The following ESR1 variants were observed in gnomAD, a reference collection of about 807,000 sequenced individuals.
ESR1 encodes the protein estrogen receptor.
In ESR1, 12 loss-of-function variants were observed where a neutral mutation model predicts 52.7. That is an observed-to-expected ratio of 0.23 (90% CI 0.15 to 0.37). The LOEUF (loss-of-function observed/expected upper bound fraction) is 0.37. Among genes scored for constraint, ESR1 ranks in the 10% least tolerant of loss-of-function variants. ESR1 has a pLI of 1.00. For missense variants in ESR1, 584 were observed against 779.7 expected (o/e 0.75, Z 2.99); for synonymous variants, 305 against 316.8 (o/e 0.96, Z 0.39).
At chr6:151,671,555 T>G (rs1778059763) in intron 1 of ESR1, among the ~76,000 whole-genome samples, 1 of 152,068 alleles carries the variant, frequency 6.6e-6, no homozygotes, top group Non-Finnish European at 1.5e-5. Context: ...AGGGGAGATA[T>G]TGGTCAAAGG....
chr6:151,782,514 A>T (rs527561994), intron 2 of ESR1, among the ~76,000 whole-genome samples: 16 of 152,296 alleles, frequency 1.1e-4, no homozygotes, highest in African/African-American at 3.4e-4. Flanking sequence ...TCTGTTTGTT[A>T]TCTTAGTATG....
rs17847059 is a variant in ESR1, at chr6:152,102,849, G to A, written c.*3883G>A. 1.8e-4 allele frequency: 41 copies of A among 226,470 alleles called. No individual in the cohort carries two copies. In the East Asian group the frequency reaches 2.5e-3, roughly 14 times the overall value. The allele number at this position is 226,470 out of a possible 1,614,324, so 14.0% of individuals were successfully genotyped here. A position where few individuals can be genotyped will look rare whatever the true frequency, so the allele number is the denominator to read the frequency against. On this transcript the variant is annotated 3_prime_UTR_variant, in exon 8 of 8. Coordinates refer to ENST00000206249, the MANE Select transcript of ESR1 (RefSeq NM_000125.4). ...TTCCAAACCCATCGTCAGTGTGTGT[G>A]TTTAGAGCTGTGCACCCTAGAAACA...
In ESR1 at chr6:151,840,678, G is replaced by A. The variant is rs564050829; in HGVS notation, c.453-1919G>A. On this transcript the variant is annotated intron_variant, in intron 1 of 7. Coordinates refer to ENST00000206249, the MANE Select transcript of ESR1 (RefSeq NM_000125.4). The stretch of plus-strand genomic sequence containing the variant: ...AAGTCAGTGTGGTTCGGGTATTTGG[G>A]TGGGGACTGGAAGCAGGAAGCTTGA... Among the ~76,000 whole-genome samples the A allele has an allele frequency of 2.2e-4, 33 of 152,302 alleles. No individual in the cohort carries two copies. In the South Asian group the frequency reaches 6.6e-3, roughly 31 times the overall value.
At chr6:151,661,139 C>A (rs1314723565) in intron 1 of ESR1, among the ~76,000 whole-genome samples, 1 of 152,064 alleles carries the variant, frequency 6.6e-6, no homozygotes, top group Admixed American at 6.5e-5. Context: ...TAATGTAATG[C>A]AATTATTTAG....
chr6:151,847,529 A>G (rs1030967781), intron 2 of ESR1, among the ~76,000 whole-genome samples: 6 of 144,356 alleles, frequency 4.2e-5, no homozygotes, highest in Non-Finnish European at 9.0e-5. Context: ...TTGGCTGCAT[A>G]AATGTCTTCT....
chr6:151,880,472 T>C (rs565288778), intron 2 of ESR1, among the ~76,000 whole-genome samples, 183 bp from the exon 3 acceptor site: 2 of 152,196 alleles, frequency 1.3e-5, no homozygotes, highest in Non-Finnish European at 2.9e-5. Flanking sequence ...TGAGCCACCG[T>C]GCCCGGCCCA....
In ESR1 at chr6:152,098,585, C is replaced by T; in HGVS notation, c.1554-147C>T. 1 of 726,274 alleles carries T rather than the reference C, an allele frequency of 1.4e-6. No homozygotes were observed. Among genetic ancestry groups the T allele is most frequent in the African/African-American group, 1.7e-5 (1 of 57,488 alleles). 45.0% of individuals were successfully genotyped at this position (726,274 alleles called of 1,614,324 possible). A position where few individuals can be genotyped will look rare whatever the true frequency, so the allele number is the denominator to read the frequency against. On this transcript the variant is annotated intron_variant, in intron 7 of 7. Transcript: ENST00000206249. This position sits in a 1 kb window ranked among gnomAD's most constrained non-coding sequence, Gnocchi z 5.1. ...TGAAAGCCCTCAGCTTTCCCAGCTC[C>T]CATCCTAAAGTGGGTCTTTAAACAG...
intron 1 of ESR1, among the ~76,000 whole-genome samples, chr6:151,668,081 A>T (rs1318602349): frequency 6.6e-6 from 1 of 152,158 alleles, no homozygotes; most frequent in Admixed American, 6.5e-5. Context: ...GCTGCTATAA[A>T]AAATACCTGA....
chr6:151,883,424 G>A (rs928045754), intron 3 of ESR1, among the ~76,000 whole-genome samples: 46 of 151,788 alleles, frequency 3.0e-4, no homozygotes, highest in African/African-American at 1.1e-3. Context: ...CACCATGCCC[G>A]GCCTGTGAGG....
In ESR1 at chr6:152,094,241, T is replaced by C. The variant is rs2050433760; in HGVS notation, c.1370-144T>C. ...GGAATTTTACACTGTAACCCGGTTT[T>C]AAATGGGTCCAGAGCATCCCCATTG... On this transcript the variant is annotated intron_variant, in intron 6 of 7. Coordinates refer to ENST00000206249, the MANE Select transcript of ESR1 (RefSeq NM_000125.4). This position sits in a 1 kb window ranked among gnomAD's most constrained non-coding sequence, Gnocchi z 4.6. 1 of 797,166 alleles carries C rather than the reference T, an allele frequency of 1.3e-6. No homozygotes were observed. The allele number at this position is 797,166 out of a possible 1,614,324, so 49.4% of individuals were successfully genotyped here.
upstream of ESR1, among the ~76,000 whole-genome samples, chr6:151,803,955 A>G (rs901707777): frequency 1.3e-5 from 2 of 152,256 alleles, no homozygotes; most frequent in Middle Eastern, 3.4e-3. Flanking sequence ...ACCGCTGGAA[A>G]AGTGGGGCTG....
chr6:151,896,129 T>C (rs1206601455), intron 3 of ESR1, among the ~76,000 whole-genome samples: 1 of 152,174 alleles, frequency 6.6e-6, no homozygotes. Context: ...ATTAGGAATA[T>C]TGGCCTGTAG....
rs2050865916 is a variant in ESR1, at chr6:152,099,085, C to CGAA, written c.*119_*120insGAA. The CGAA allele has an allele frequency of 1.3e-6, 1 of 772,110 alleles. No homozygotes were observed. The highest frequency in any genetic ancestry group is 2.2e-6 in the Non-Finnish European group (1 of 451,726). The allele number at this position is 772,110 out of a possible 1,614,324, so 47.8% of individuals were successfully genotyped here. ...TCCGGCATGCATCCAACACCAATGGCTTTCTAGATGAGTGGCCATTCATTT... is the reference window on the plus strand; with the variant it reads ...TCCGGCATGCATCCAACACCAATGGCGAATTTCTAGATGAGTGGCCATTCATTT... On this transcript the variant is annotated 3_prime_UTR_variant, in exon 8 of 8. Transcript: ENST00000206249.
chr6:151,755,998 C>G (rs1784255988), intron 2 of ESR1, among the ~76,000 whole-genome samples: 1 of 152,096 alleles, frequency 6.6e-6, no homozygotes, highest in African/African-American at 2.4e-5. Flanking sequence ...TGCATGGCCC[C>G]CTCCTGACCT....
At chr6:152,118,573 G>A (rs977242335) in intron 6 of ESR1, among the ~76,000 whole-genome samples, 10 of 147,384 alleles carry the variant, frequency 6.8e-5, no homozygotes, top group African/African-American at 2.5e-4. Context: ...ACAGGGAAGG[G>A]AGCACCACAC....
At chr6:151,934,050 C>T (rs767300037) in intron 3 of ESR1, among the ~76,000 whole-genome samples, 1 of 152,186 alleles carries the variant, frequency 6.6e-6, no homozygotes, top group African/African-American at 2.4e-5. Flanking sequence ...ATGCAAAGCT[C>T]TCACCTTAGC....
At chr6:151,826,465 G>A (rs954614821) in intron 1 of ESR1, among the ~76,000 whole-genome samples, 1 of 152,228 alleles carries the variant, frequency 6.6e-6, no homozygotes, top group African/African-American at 2.4e-5. Flanking sequence ...CGAGGCCTGG[G>A]ATAGATGTTT....
At chr6:151,702,010 G>C (rs563611329) in intron 2 of ESR1, 4 of 152,340 alleles carry the variant, frequency 2.6e-5, no homozygotes, top group African/African-American at 9.6e-5. Flanking sequence ...ACTGAGGTAT[G>C]TGTGAACATA....
chr6:152,100,531 T>A lies in ESR1; in HGVS notation c.*1565T>A, dbSNP rs1429269335. ...CCACAGGGCAGCCTTCCCTGGGCCT[T>A]TGCTTCTCTAGCACAATTATGGGTT... On this transcript the variant is annotated 3_prime_UTR_variant, in exon 8 of 8. Coordinates refer to ENST00000206249, the MANE Select transcript of ESR1 (RefSeq NM_000125.4). The A allele has an allele frequency of 4.3e-6, 1 of 234,504 alleles. No individual in the cohort carries two copies. Among genetic ancestry groups the A allele is most frequent in the Non-Finnish European group, 8.4e-6 (1 of 119,190 alleles). The allele number at this position is 234,504 out of a possible 1,614,324, so 14.5% of individuals were successfully genotyped here.
Sources: gnomAD v4.1 joint callset for allele counts (sites outside exome capture counted in the v4.1 genomes callset) on GRCh38, gnomAD v4.1.1 for gene constraint, Gnocchi (gnomAD v3.1) non-coding constraint, MANE v1.5 for transcripts, NCBI Gene and HGNC (gene_info 2026-07-23, HGNC 2026-07-21) for gene names.